PGR: variants seen among roughly 807,000 people sequenced by gnomAD.
PGR encodes progesterone receptor, also known as nuclear receptor subfamily 3 group C member 3.
A neutral mutation model predicts 76.1 loss-of-function variants in PGR; 25 were observed. The ratio of observed to expected loss-of-function variants is 0.33; its 90% CI spans 0.24 to 0.46. PGR has a LOEUF of 0.46. Among genes scored for constraint, PGR ranks in the 20% least tolerant of loss-of-function variants. The pLI is 1.00. For synonymous variants in PGR, 579 were observed against 535.0 expected (o/e 1.08, Z -1.14); for missense variants, 1,172 against 1,225.3 (o/e 0.96, Z 0.65).
chr11:101,079,838 G>T (rs985715449), intron 3 of PGR, among the ~76,000 whole-genome samples: 16 of 152,154 alleles, frequency 1.1e-4, no homozygotes, highest in African/African-American at 3.9e-4. Context: ...ATATATAATT[G>T]TCATTTACCC....
At chr11:101,045,908 A>G (rs763164902) in intron 6 of PGR, among the ~76,000 whole-genome samples, 9 of 151,948 alleles carry the variant, frequency 5.9e-5, no homozygotes, top group Non-Finnish European at 1.2e-4. Context: ...TAGTTTTTTG[A>G]GAAATCTCCA....
At chr11:101,077,033 T>C (rs1469513492) in intron 3 of PGR, among the ~76,000 whole-genome samples, 1 of 151,512 alleles carries the variant, frequency 6.6e-6, no homozygotes, top group Admixed American at 6.6e-5. Context: ...CTTTATTTTC[T>C]CTTTCCTATT....
intron 1 of PGR, among the ~76,000 whole-genome samples, chr11:101,126,479 TTGAC>T (rs1404025285): frequency 6.6e-6 from 1 of 152,204 alleles, no homozygotes; most frequent in Non-Finnish European, 1.5e-5. Flanking sequence ...AATTTAGTCT[TTGAC>T]AAATGAAATG....
intron 4 of PGR, among the ~76,000 whole-genome samples, chr11:101,055,688 T>C (rs1480454369): frequency 6.6e-6 from 1 of 152,198 alleles, no homozygotes; most frequent in Non-Finnish European, 1.5e-5. Flanking sequence ...TACAAAATTA[T>C]GTAAGAATTA....
At position 101,062,700 on chromosome 11, in the gene PGR, A is replaced by C; in HGVS notation, c.1959T>G (p.Ala653=). ...NKVRVVRALD[A]VALPQPVGVP... ...CGCCCACTGGCTGTGGGAGAGCAAC[A>C]GCATCCAGTGCTCTCACAACTCTGA... Residue 653 remains alanine (A), a synonymous_variant, in exon 4 of 8, where the codon GCT becomes GCG. Coordinates refer to ENST00000325455, the MANE Select transcript of PGR (RefSeq NM_000926.4). 1 of 1,613,902 alleles carries C rather than the reference A, an allele frequency of 6.2e-7. No individual in the cohort carries two copies.
chr11:101,086,591 C>T (rs954524186), intron 3 of PGR, among the ~76,000 whole-genome samples: 7 of 152,064 alleles, frequency 4.6e-5, no homozygotes, highest in Non-Finnish European at 7.4e-5. Context: ...CCAGAGCAGT[C>T]AGGCAAGAGA....
intron 2 of PGR, among the ~76,000 whole-genome samples, chr11:101,106,654 C>G (rs930630910): frequency 6.6e-6 from 1 of 152,122 alleles, no homozygotes; most frequent in Admixed American, 6.6e-5. Flanking sequence ...GAAGACAGTG[C>G]AGCAATTCCT....
intron 4 of PGR, among the ~76,000 whole-genome samples, chr11:101,059,766 C>T (rs2135406863): frequency 6.9e-6 from 1 of 144,784 alleles, no homozygotes; most frequent in African/African-American, 2.5e-5. Context: ...TAACTTGAGA[C>T]CAAGAGGTCC....
intron 3 of PGR, among the ~76,000 whole-genome samples, chr11:101,077,595 TG>T (rs1261633232): frequency 2.0e-5 from 3 of 152,196 alleles, no homozygotes; most frequent in South Asian, 4.1e-4. Context: ...AATAAATGCT[TG>T]TAGATACTAC....
chr11:101,047,883 A>G (rs909485778), intron 6 of PGR, among the ~76,000 whole-genome samples: 1 of 152,084 alleles, frequency 6.6e-6, no homozygotes, highest in Non-Finnish European at 1.5e-5. Context: ...AGTGGAACGG[A>G]TATTTGCCTG....
At chr11:101,084,268 T>C (rs184466702) in intron 3 of PGR, among the ~76,000 whole-genome samples, 4 of 152,354 alleles carry the variant, frequency 2.6e-5, no homozygotes, top group Admixed American at 2.6e-4. Flanking sequence ...TGTAGAACTA[T>C]GAGTCATTTA....
In PGR at chr11:101,035,715, A is replaced by T. The variant is rs1859488522; in HGVS notation, c.*3401T>A. 4.3e-6 allele frequency: 1 copy of T among 231,968 alleles called. No homozygotes were observed. The highest frequency in any genetic ancestry group is 2.2e-5 in the African/African-American group (1 of 45,274). 14.4% of individuals were successfully genotyped at this position (231,968 alleles called of 1,614,324 possible). A position where few individuals can be genotyped will look rare whatever the true frequency, so the allele number is the denominator to read the frequency against. On this transcript the variant is annotated 3_prime_UTR_variant, in exon 8 of 8. Coordinates refer to ENST00000325455, the MANE Select transcript of PGR (RefSeq NM_000926.4). ...ATAGGCTCTTTAGAACTTTGATAAA[A>T]CAGGCCCTAAACTCAAAACACTGTA...
chr11:101,111,621 G>A (rs990583491), intron 2 of PGR, among the ~76,000 whole-genome samples: 25 of 152,124 alleles, frequency 1.6e-4, no homozygotes, highest in African/African-American at 4.6e-4. Context: ...TACCTGGGGC[G>A]AGGTGCAGAA....
intron 4 of PGR, among the ~76,000 whole-genome samples, chr11:101,060,821 A>C (rs2135408770): frequency 6.6e-6 from 1 of 152,318 alleles, no homozygotes; most frequent in East Asian, 1.9e-4. Flanking sequence ...AGCATTAAAA[A>C]AGTTGCCACC....
Position 101,032,941 on chromosome 11 carries a change from A to G in PGR, c.*6175T>C, listed in dbSNP as rs373679401. 2.7e-5 allele frequency: 5 copies of G among 186,120 alleles called. No homozygotes were observed. In the South Asian group the frequency reaches 7.8e-4, roughly 29 times the overall value. The allele number at this position is 186,120 out of a possible 1,614,324, so 11.5% of individuals were successfully genotyped here. On this transcript the variant is annotated 3_prime_UTR_variant, in exon 8 of 8. Transcript: ENST00000325455. The stretch of plus-strand genomic sequence containing the variant: ...ATGATGCCTAAAGTAAGACTTTTCA[A>G]CAAAAAATAATTAATTTAATGTTTT...
intron 3 of PGR, among the ~76,000 whole-genome samples, chr11:101,067,536 A>T (rs1056606710): frequency 6.6e-6 from 1 of 152,108 alleles, no homozygotes; most frequent in Non-Finnish European, 1.5e-5. Flanking sequence ...TTTAAAAACA[A>T]TCTAGCATTA....
At chr11:101,118,823 C>A (rs974529484) in intron 2 of PGR, among the ~76,000 whole-genome samples, 2 of 152,152 alleles carry the variant, frequency 1.3e-5, no homozygotes, top group African/African-American at 2.4e-5. Context: ...ATATTGTGTT[C>A]ATCGGCCTCT....
chr11:101,128,730 A>T lies in PGR; in HGVS notation c.341T>A (p.Val114Asp), dbSNP rs1020891178. 5.6e-6 allele frequency: 9 copies of T among 1,612,588 alleles called. No homozygotes were observed. In the East Asian group the frequency reaches 2.0e-4, roughly 36 times the overall value. The change falls in exon 1 of 8, where the codon GTC (valine) becomes GAC (aspartate). Residue 114 changes from valine to aspartate, a missense_variant. Physicochemically the swap from Val to Asp is radical, Grantham distance 152 (BLOSUM62 -3). Coordinates refer to ENST00000325455, the MANE Select transcript of PGR (RefSeq NM_000926.4). ...PEKDSGLLDS[V>D]LDTLLAPSGP... is the part of the protein sequence containing the mutation. ...TGAGGGCGCCAACAGAGTGTCCAAG[A>T]CACTGTCCAGCAGTCCGCTGTCCTT...
At chr11:101,127,268 A>G (rs1423599412) in intron 1 of PGR, among the ~76,000 whole-genome samples, 166 bp downstream of exon 1, 1 of 152,156 alleles carries the variant, frequency 6.6e-6, no homozygotes, top group Non-Finnish European at 1.5e-5. Context: ...GGAGGGAAGA[A>G]GAAGGGAGGC....
Sources: allele counts gnomAD v4.1 joint callset (sites outside exome capture counted in the v4.1 genomes callset), GRCh38; gene constraint gnomAD v4.1.1; transcripts MANE v1.5; gene names NCBI Gene and HGNC (gene_info 2026-07-23, HGNC 2026-07-21).